BRD10: variants seen among roughly 807,000 people sequenced by gnomAD.
BRD10 encodes the protein uncharacterized bromodomain-containing protein 10.
At chr9:5,883,371 A>T in the BRD10 span, among the ~76,000 whole-genome samples, 6 of 151,790 alleles carry the variant, frequency 4.0e-5, no homozygotes, top group African/African-American at 1.5e-4. Context: ...AACAAAGCTA[A>T]TTTCATTCTG....
At chr9:5,932,596 A>AT in the BRD10 span, among the ~76,000 whole-genome samples, 2 of 152,192 alleles carry the variant, frequency 1.3e-5, no homozygotes, top group African/African-American at 4.8e-5. Flanking sequence ...TAGGTTATAC[A>AT]TAAAGACTAC....
At chr9:5,934,201 G>T in the BRD10 span, among the ~76,000 whole-genome samples, 3 of 151,758 alleles carry the variant, frequency 2.0e-5, no homozygotes, top group Non-Finnish European at 2.9e-5. Flanking sequence ...TACAACAAAA[G>T]TATGAATGCT....
the BRD10 span, among the ~76,000 whole-genome samples, chr9:5,996,307 GTTTT>G: frequency 6.7e-6 from 1 of 149,614 alleles, no homozygotes; most frequent in Admixed American, 6.6e-5. Context: ...ATGTAACTTG[GTTTT>G]TTTTTTTGTT....
At chr9:5,923,629 A>C in the BRD10 span, among the ~76,000 whole-genome samples, 1 of 152,264 alleles carries the variant, frequency 6.6e-6, no homozygotes, top group East Asian at 1.9e-4. Context: ...TACCCAAATA[A>C]ACAATCAGGG....
chr9:5,959,835 A>G, the BRD10 span, among the ~76,000 whole-genome samples: 6 of 152,144 alleles, frequency 3.9e-5, no homozygotes, highest in East Asian at 9.6e-4. Flanking sequence ...TGGAATCTTG[A>G]TTCAATTATT....
chr9:5,988,643 A>G, the BRD10 span: 2 of 810,560 alleles, frequency 2.5e-6, no homozygotes, highest in African/African-American at 1.7e-5. Context: ...CTAAATACAT[A>G]AAAGTATTTA....
the BRD10 span, among the ~76,000 whole-genome samples, chr9:5,936,374 A>G: frequency 6.6e-6 from 1 of 152,114 alleles, no homozygotes; most frequent in African/African-American, 2.4e-5. Flanking sequence ...TAAATGAATA[A>G]TTTATCAGTG....
chr9:5,920,013 G>A, the BRD10 span: 1 of 1,613,994 alleles, frequency 6.2e-7, no homozygotes, highest in East Asian at 2.2e-5. Context: ...ACAGGAGGTG[G>A]AACAGGAACC....
At chr9:6,001,920 A>G in the BRD10 span, among the ~76,000 whole-genome samples, 4 of 152,176 alleles carry the variant, frequency 2.6e-5, no homozygotes, top group African/African-American at 9.6e-5. Context: ...TGTTTTCCCA[A>G]TTTGTAGGGG....
At chr9:5,888,260 T>C in the BRD10 span, among the ~76,000 whole-genome samples, 4 of 152,216 alleles carry the variant, frequency 2.6e-5, no homozygotes, top group Admixed American at 6.5e-5. Context: ...CCAAGATAGA[T>C]CATGATGTTA....
At chr9:5,918,624 GT>G in the BRD10 span, among the ~76,000 whole-genome samples, 8 of 144,006 alleles carry the variant, frequency 5.6e-5, no homozygotes, top group East Asian at 2.0e-4. Flanking sequence ...AGTAATTGTG[GT>G]TTTTTGCCGT....
the BRD10 span, among the ~76,000 whole-genome samples, chr9:5,951,502 T>C: frequency 2.6e-5 from 4 of 152,198 alleles, no homozygotes; most frequent in Non-Finnish European, 5.9e-5. Context: ...TCAGAATGAA[T>C]AATATGAAGA....
chr9:5,961,544 G>A, the BRD10 span, among the ~76,000 whole-genome samples: 1 of 151,860 alleles, frequency 6.6e-6, no homozygotes, highest in African/African-American at 2.4e-5. Flanking sequence ...AAATGACAAA[G>A]TTTTCAGAAA....
the BRD10 span, among the ~76,000 whole-genome samples, chr9:5,913,093 T>C: frequency 6.6e-6 from 1 of 152,148 alleles, no homozygotes; most frequent in Non-Finnish European, 1.5e-5. Flanking sequence ...GTTTTTATAG[T>C]AAAGAGCAGG....
At chr9:5,896,165 C>T in the BRD10 span, among the ~76,000 whole-genome samples, 2 of 152,206 alleles carry the variant, frequency 1.3e-5, no homozygotes, top group Admixed American at 1.3e-4. Flanking sequence ...GCTGGTTGTG[C>T]AGCCCTGGGC....
chr9:5,950,487 A>C, the BRD10 span, among the ~76,000 whole-genome samples: 1 of 152,152 alleles, frequency 6.6e-6, no homozygotes, highest in African/African-American at 2.4e-5. Context: ...CTGGCATTCA[A>C]ACCCAAGTAG....
At chr9:5,882,061 A>G in the BRD10 span, among the ~76,000 whole-genome samples, 3 of 152,200 alleles carry the variant, frequency 2.0e-5, no homozygotes, top group Non-Finnish European at 4.4e-5. Flanking sequence ...CTCCTGCAGG[A>G]TTTTTAGATG....
the BRD10 span, among the ~76,000 whole-genome samples, chr9:6,001,518 A>G: frequency 6.6e-5 from 10 of 152,186 alleles, no homozygotes; most frequent in African/African-American, 2.4e-4. Context: ...CCGTACTTTA[A>G]CTTTTAATTA....
At chr9:6,006,170 T>C in the BRD10 span, among the ~76,000 whole-genome samples, 147 of 152,366 alleles carry the variant, frequency 9.6e-4, no homozygotes, top group Middle Eastern at 0.02. Context: ...GGCTAACACT[T>C]ATACTTGGCT....
Sources: gnomAD v4.1 joint callset for allele counts (sites outside exome capture counted in the v4.1 genomes callset) on GRCh38, gnomAD v4.1.1 for gene constraint, MANE v1.5 for transcripts, NCBI Gene and HGNC (gene_info 2026-07-23, HGNC 2026-07-21) for gene names.